The following PAK1 variants were observed in gnomAD, a reference collection of about 807,000 sequenced individuals.
PAK1 encodes p21 (RAC1) activated kinase 1, also known as serine/threonine-protein kinase PAK 1.
A neutral mutation model predicts 67.4 loss-of-function variants in PAK1; 29 were observed. The observed-to-expected ratio is 0.43, with a 90% CI of 0.32 to 0.59. PAK1 has a LOEUF of 0.59. Ranked by LOEUF, PAK1 falls within the 20% of genes least tolerant of loss-of-function variation. PAK1 has a pLI of 0.07. For missense variants in PAK1, 337 were observed against 670.7 expected (o/e 0.50, Z 5.50); for synonymous variants, 223 against 237.4 (o/e 0.94, Z 0.56).
In PAK1 at chr11:77,392,473, C is replaced by T. The variant is rs201876259; in HGVS notation, c.48G>A (p.Pro16=). The T allele has an allele frequency of 4.3e-6, 7 of 1,613,602 alleles. No homozygotes were observed. The highest frequency in any genetic ancestry group is 3.3e-5 in the Admixed American group (2 of 59,968). Residue 16 remains proline, a synonymous_variant, in exon 2 of 15, where the codon CCG becomes CCA. Coordinates refer to ENST00000356341, the MANE Select transcript of PAK1 (RefSeq NM_002576.5). Reference sequence around the variant, plus strand: ...CAATCATAGTGCTGGTATTTCTCATCGGAGGGGCTGGGGGTTTGTCTTGAA... The same window carrying T: ...CAATCATAGTGCTGGTATTTCTCATTGGAGGGGCTGGGGGTTTGTCTTGAA... ...LDIQDKPPAP[P]MRNTSTMIGA...
At chr11:77,489,188 A>G in the PAK1 span, among the ~76,000 whole-genome samples, 6 of 152,206 alleles carry the variant, frequency 3.9e-5, no homozygotes, top group Non-Finnish European at 8.8e-5. Flanking sequence ...TATTTATCCT[A>G]GAATAGTATA....
chr11:77,437,843 C>T (rs1377754104), intron 1 of PAK1, among the ~76,000 whole-genome samples: 1 of 152,118 alleles, frequency 6.6e-6, no homozygotes. Flanking sequence ...TAAATGTTTT[C>T]GATATCTCCA....
chr11:77,510,050 T>A, the PAK1 span, among the ~76,000 whole-genome samples: 1 of 152,256 alleles, frequency 6.6e-6, no homozygotes. Flanking sequence ...GTCATGATTT[T>A]CAATTGCTGT....
chr11:77,458,776 A>T (rs2135461395), intron 1 of PAK1, among the ~76,000 whole-genome samples: 2 of 152,356 alleles, frequency 1.3e-5, no homozygotes, highest in South Asian at 4.1e-4. Flanking sequence ...AGTACTACGA[A>T]AATTCAAGAA....
chr11:77,363,522 T>C (rs1947083703), intron 5 of PAK1, among the ~76,000 whole-genome samples: 1 of 152,218 alleles, frequency 6.6e-6, no homozygotes, highest in Non-Finnish European at 1.5e-5. Flanking sequence ...AACCTTCTGT[T>C]CCTTAGCCTC....
At chr11:77,462,567 C>G (rs1957400700) in intron 1 of PAK1, among the ~76,000 whole-genome samples, 1 of 151,900 alleles carries the variant, frequency 6.6e-6, no homozygotes, top group Non-Finnish European at 1.5e-5. Context: ...CACAGTGTCT[C>G]ACACATGTAA....
chr11:77,463,653 A>G (rs1957463773), intron 1 of PAK1, among the ~76,000 whole-genome samples: 1 of 152,210 alleles, frequency 6.6e-6, no homozygotes, highest in Admixed American at 6.5e-5. Flanking sequence ...TCATTCTAGC[A>G]CTCTAGAGAG....
At chr11:77,378,928 G>C (rs1949457083) in intron 4 of PAK1, among the ~76,000 whole-genome samples, 1 of 152,106 alleles carries the variant, frequency 6.6e-6, no homozygotes, top group South Asian at 2.1e-4. Flanking sequence ...TTCCCATTTT[G>C]AGATGCAAAG....
At chr11:77,402,087 T>C (rs1343372038) in intron 1 of PAK1, among the ~76,000 whole-genome samples, 1 of 152,184 alleles carries the variant, frequency 6.6e-6, no homozygotes, top group Admixed American at 6.5e-5. Context: ...CTGGAACCTA[T>C]AGGGTTATGC....
intron 2 of PAK1, among the ~76,000 whole-genome samples, chr11:77,383,243 C>T (rs186636958): frequency 6.6e-6 from 1 of 151,756 alleles, no homozygotes; most frequent in African/African-American, 2.4e-5. Flanking sequence ...ATAGCAATGA[C>T]TTGGTTGAAG....
At chr11:77,326,240 C>A (rs998966127) in intron 14 of PAK1, among the ~76,000 whole-genome samples, 1 of 152,192 alleles carries the variant, frequency 6.6e-6, no homozygotes, top group Non-Finnish European at 1.5e-5. Flanking sequence ...ATTAGGCAGG[C>A]AGGAGTATAA....
At chr11:77,488,670 G>A in the PAK1 span, among the ~76,000 whole-genome samples, 1 of 151,970 alleles carries the variant, frequency 6.6e-6, no homozygotes, top group African/African-American at 2.4e-5. Context: ...GAATGTGGGA[G>A]TCTCTTAACA....
chr11:77,485,743 G>A, the PAK1 span, among the ~76,000 whole-genome samples: 1 of 152,152 alleles, frequency 6.6e-6, no homozygotes, highest in African/African-American at 2.4e-5. Flanking sequence ...CCAAAGTGCT[G>A]GGATTACAGG....
intron 1 of PAK1, among the ~76,000 whole-genome samples, chr11:77,473,086 G>C (rs1019525855): frequency 5.9e-5 from 9 of 152,178 alleles, no homozygotes; most frequent in African/African-American, 2.2e-4. Flanking sequence ...TCAGGGAGTA[G>C]AACCCTAAAG....
At chr11:77,502,448 A>G in the PAK1 span, among the ~76,000 whole-genome samples, 1 of 152,240 alleles carries the variant, frequency 6.6e-6, no homozygotes, top group Non-Finnish European at 1.5e-5. Flanking sequence ...TAGACACATA[A>G]TGTGTCTAAA....
At chr11:77,456,436 A>G (rs1957079580) in intron 1 of PAK1, among the ~76,000 whole-genome samples, 1 of 152,240 alleles carries the variant, frequency 6.6e-6, no homozygotes, top group Non-Finnish European at 1.5e-5. Context: ...TTTATTAGGT[A>G]TCTACTATGT....
rs556296967 is a variant in PAK1 at position 77,331,973 on chromosome 11, A to T, written c.1551+757T>A. On this transcript the variant is annotated intron_variant, in intron 14 of 14. Transcript: ENST00000356341. ...CAACAAGACTCAAACAAACTCTGCCAGACTAATTCAAACAGAACAAAGGAA... is the reference window on the plus strand; with the variant it reads ...CAACAAGACTCAAACAAACTCTGCCTGACTAATTCAAACAGAACAAAGGAA... 5.3e-5 allele frequency among the ~76,000 whole-genome samples: 8 copies of T among 152,194 alleles called. No homozygotes were observed. In the South Asian group the frequency reaches 1.7e-3, roughly 32 times the overall value.
chr11:77,495,261 G>C, the PAK1 span, among the ~76,000 whole-genome samples: 1 of 151,782 alleles, frequency 6.6e-6, no homozygotes, highest in African/African-American at 2.4e-5. Flanking sequence ...ATCATTTGAA[G>C]TCAGGAGTTC....
chr11:77,438,385 A>G (rs1412773088), intron 1 of PAK1, among the ~76,000 whole-genome samples: 1 of 152,132 alleles, frequency 6.6e-6, no homozygotes, highest in East Asian at 1.9e-4. Context: ...CTCCAACATT[A>G]GGGATTACAA....
Sources: allele counts gnomAD v4.1 joint callset (sites outside exome capture counted in the v4.1 genomes callset), GRCh38; gene constraint gnomAD v4.1.1; transcripts MANE v1.5; gene names NCBI Gene and HGNC (gene_info 2026-07-23, HGNC 2026-07-21).